Variants in SLC2A9 observed in about 807,000 individuals in gnomAD.
The protein encoded by SLC2A9 is solute carrier family 2, facilitated glucose transporter member 9.
A neutral mutation model predicts 50.6 loss-of-function variants in SLC2A9; 39 were observed. The observed-to-expected ratio is 0.77, with a 90% confidence interval of 0.60 to 1.01. The LOEUF (loss-of-function observed/expected upper bound fraction) is 1.01. SLC2A9 is among the 50% of genes least tolerant of loss of function. The pLI, the probability that SLC2A9 is intolerant of heterozygous loss-of-function variation, is 0.00. For missense variants in SLC2A9, 686 were observed against 677.6 expected, an observed-to-expected ratio of 1.01 and a Z score of -0.14; for synonymous variants, 324 against 276.9, an observed-to-expected ratio of 1.17 and a Z score of -1.69.
chr4:9,960,817 G>A (rs1199517588), intron 5 of SLC2A9, among the ~76,000 whole-genome samples: 1 of 152,136 alleles, frequency 6.6e-6, no homozygotes, highest in East Asian at 1.9e-4. Flanking sequence ...AAGGGAAATG[G>A]GGGCAGTTGA....
downstream of SLC2A9, among the ~76,000 whole-genome samples, chr4:9,777,360 T>A (rs867082504): frequency 4.0e-5 from 6 of 151,740 alleles, no homozygotes; most frequent in African/African-American, 1.2e-4. Flanking sequence ...AGTGGTGTGA[T>A]CTTGAAGAGA....
chr4:9,833,518 T>C (rs933956769), intron 11 of SLC2A9, among the ~76,000 whole-genome samples: 5 of 152,092 alleles, frequency 3.3e-5, no homozygotes, highest in Non-Finnish European at 5.9e-5. Flanking sequence ...AGCTCAGGAC[T>C]GTGTGAGGGT....
intron 3 of SLC2A9, among the ~76,000 whole-genome samples, chr4:9,817,653 G>C (rs138160647): frequency 1.3e-5 from 2 of 152,112 alleles, no homozygotes; most frequent in Non-Finnish European, 2.9e-5. Flanking sequence ...TGTCCACTCC[G>C]AGTCCTTTTG....
At chr4:10,002,903 G>C (rs1482366347) in intron 2 of SLC2A9, among the ~76,000 whole-genome samples, 1 of 152,172 alleles carries the variant, frequency 6.6e-6, no homozygotes, top group Non-Finnish European at 1.5e-5. Context: ...CCTTTGCTTG[G>C]GCTGGATACT....
chr4:9,931,985 T>TATATATATATATATATATACAC (rs1553879027), intron 6 of SLC2A9, among the ~76,000 whole-genome samples: 1 of 95,684 alleles, frequency 1.0e-5, no homozygotes, highest in African/African-American at 4.4e-5. Context: ...TATATATATA[T>TATATATATATATATATATACAC]ATATATATAT....
Position 9,913,330 on chromosome 4 carries a change from TGAGAGAGAGA to T in SLC2A9, c.1003-4995_1003-4986del, listed in dbSNP as rs968021703. 1.3e-3 allele frequency among the ~76,000 whole-genome samples: 118 copies of T among 88,810 alleles called. 3 individuals carry two copies. The East Asian group carries it at 0.024, about 18-fold the overall frequency. 58.3% of individuals were successfully genotyped at this position (88,810 alleles called of 152,430 possible). On this transcript the variant is annotated intron_variant, in intron 7 of 11. Transcript: ENST00000264784. ...GTGTGTGTGTGTGTGTGTGTGTGTG[TGAGAGAGAGA>T]GAGAGAGAGAGAGAGACAGAGAGAG...
downstream of SLC2A9, among the ~76,000 whole-genome samples, chr4:9,822,526 C>T (rs541472527): frequency 1.3e-5 from 2 of 152,170 alleles, no homozygotes; most frequent in Admixed American, 1.3e-4. Context: ...TTTGCATTTG[C>T]GTACTATATA....
intron 10 of SLC2A9, among the ~76,000 whole-genome samples, chr4:9,850,165 C>G (rs1211063003): frequency 6.6e-6 from 1 of 152,086 alleles, no homozygotes; most frequent in Non-Finnish European, 1.5e-5. Context: ...CCCAGCGACT[C>G]CTGGGGAAGG....
chr4:9,772,896 A>C (rs1577226618), intron 1 of SLC2A9, among the ~76,000 whole-genome samples: 1 of 151,822 alleles, frequency 6.6e-6, no homozygotes, highest in African/African-American at 2.4e-5. Context: ...ATATGTATAC[A>C]TGTGCCATGC....
At chr4:9,779,686 T>C (rs548987804), downstream of SLC2A9, 1 of 152,114 alleles carries the variant, frequency 6.6e-6, no homozygotes, top group East Asian at 1.9e-4. Flanking sequence ...AGTGCTGGGA[T>C]TACAGGCGTG....
At chr4:9,821,648 A>G (rs1724414650), downstream of SLC2A9, among the ~76,000 whole-genome samples, 1 of 151,996 alleles carries the variant, frequency 6.6e-6, no homozygotes, top group African/African-American at 2.4e-5. Flanking sequence ...AAGTATATCT[A>G]AAAAAAGAAA....
chr4:9,892,358 CTA>C (rs34839464), intron 8 of SLC2A9, among the ~76,000 whole-genome samples: 17,334 of 152,228 alleles, frequency 0.11, 1,128 homozygotes, highest in African/African-American at 0.15. Flanking sequence ...CCACATGTCT[CTA>C]AAAGCATCCA....
At chr4:10,011,222 C>A (rs3796834) in intron 2 of SLC2A9, among the ~76,000 whole-genome samples, 13 of 151,978 alleles carry the variant, frequency 8.6e-5, no homozygotes, top group Non-Finnish European at 1.8e-4. Flanking sequence ...CACCCATGAG[C>A]AAGAGGAGCT....
Position 10,019,076 on chromosome 4 carries a change from G to A in SLC2A9, c.151-3C>T. Reference sequence around the variant, plus strand: ...ACGAGGAGCGAGCAGGACCAGTCCTGAGGGGAGAGGAAACCACGTCAGAGC... The same window carrying A: ...ACGAGGAGCGAGCAGGACCAGTCCTAAGGGGAGAGGAAACCACGTCAGAGC... On this transcript the variant is annotated splice_polypyrimidine_tract_variant and splice_region_variant and intron_variant, in intron 1 of 11. Coordinates refer to ENST00000264784, the MANE Select transcript of SLC2A9 (RefSeq NM_020041.3). 6.4e-7 allele frequency: 1 copy of A among 1,551,194 alleles called. No homozygotes were observed.
At chr4:10,007,982 G>T (rs1761092081) in intron 2 of SLC2A9, among the ~76,000 whole-genome samples, 1 of 152,164 alleles carries the variant, frequency 6.6e-6, no homozygotes, top group South Asian at 2.1e-4. Flanking sequence ...TTCCCCTATG[G>T]GTCAGAAATA....
At chr4:9,841,334 T>C (rs764565416) in intron 10 of SLC2A9, among the ~76,000 whole-genome samples, 4 of 152,162 alleles carry the variant, frequency 2.6e-5, no homozygotes, top group Non-Finnish European at 2.9e-5. Context: ...GTTTTCTGCA[T>C]AGATATTGTA....
At chr4:9,854,159 GAC>G (rs1432291886) in intron 10 of SLC2A9, among the ~76,000 whole-genome samples, 5 of 151,918 alleles carry the variant, frequency 3.3e-5, no homozygotes, top group Non-Finnish European at 5.9e-5. Flanking sequence ...AAGAAATTGA[GAC>G]ACACACACAA....
At chr4:9,817,949 T>C (rs563642500) in intron 3 of SLC2A9, among the ~76,000 whole-genome samples, 1 of 152,336 alleles carries the variant, frequency 6.6e-6, no homozygotes. Context: ...TGCCGCATTC[T>C]TGGATTGACC....
chr4:10,018,429 T>C lies in SLC2A9; in HGVS notation c.249+546A>G, dbSNP rs1401426919. On this transcript the variant is annotated intron_variant, in intron 2 of 11. Transcript: ENST00000264784. ...TGGTGGTGCATGCCTGTAGCCCCAG[T>C]TACTCGGGAGGCTGAGGCAGAAGAA... Among the ~76,000 whole-genome samples, 4 of 151,974 alleles carry C rather than the reference T, an allele frequency of 2.6e-5. No individual in the cohort carries two copies. In the East Asian group the frequency reaches 5.8e-4, roughly 22 times the overall value.
Sources: gnomAD v4.1 joint callset for allele counts (sites outside exome capture counted in the v4.1 genomes callset) on GRCh38, gnomAD v4.1.1 for gene constraint, MANE v1.5 for transcripts, NCBI Gene and HGNC (gene_info 2026-07-23, HGNC 2026-07-21) for gene names.